The following SEPTIN4 variants were observed in gnomAD, a reference collection of about 807,000 sequenced individuals.
SEPTIN4 encodes septin 4.
SEPTIN4 carries 52 observed loss-of-function variants against 107.1 expected under a neutral mutation model. The observed-to-expected ratio is 0.49, with a 90% CI of 0.39 to 0.61. The LOEUF is 0.61. Among genes scored for constraint, SEPTIN4 ranks in the 20% least tolerant of loss-of-function variants. SEPTIN4 has a pLI of 0.00. For missense variants in SEPTIN4, 1,048 were observed against 1,243.5 expected (o/e 0.84, Z 2.36); for synonymous variants, 417 against 467.0 (o/e 0.89, Z 1.38).
chr17:58,529,051 C>T lies in SEPTIN4; in HGVS notation c.1615-2073G>A. On this transcript the variant is annotated intron_variant, in intron 3 of 13. Coordinates refer to ENST00000672673, the MANE Select transcript of SEPTIN4 (RefSeq NM_001368771.2). The stretch of plus-strand genomic sequence containing the variant: ...CAAATCATTTTCTGACTTTGAGCCC[C>T]AATCCCAGCCAAGGCAGGGGGAAGA... The T allele has an allele frequency of 1.9e-6, 3 of 1,589,192 alleles. No individual in the cohort carries two copies. The Admixed American group carries it at 5.0e-5, about 26-fold the overall frequency.
At chr17:58,527,587 G>C in intron 3 of SEPTIN4, 1 of 200,070 alleles carries the variant, frequency 5.0e-6, no homozygotes, top group Non-Finnish European at 1.0e-5. Context: ...ACTGCCCAGC[G>C]CTCAGTATAG....
intron 3 of SEPTIN4, among the ~76,000 whole-genome samples, chr17:58,535,876 G>A (rs1256439856): frequency 6.6e-6 from 1 of 152,198 alleles, no homozygotes; most frequent in Non-Finnish European, 1.5e-5. Context: ...TCATTGATTA[G>A]TTTTCCATTC....
chr17:58,540,787 C>A, intron 2 of SEPTIN4, 114 bp from the exon 3 acceptor site: 2 of 1,154,088 alleles, frequency 1.7e-6, no homozygotes, highest in Non-Finnish European at 2.2e-6. Flanking sequence ...TGGACTTGGG[C>A]AAACCTGGCC....
intron 3 of SEPTIN4, chr17:58,532,020 G>A (rs2043516565): frequency 1.3e-5 from 15 of 1,132,370 alleles, no homozygotes; most frequent in African/African-American, 3.3e-5. Context: ...GACCCGCGGC[G>A]GAGCTGCGCG....
At chr17:58,539,323 G>T (rs2043816031) in intron 3 of SEPTIN4, 1 of 588,512 alleles carries the variant, frequency 1.7e-6, no homozygotes. Context: ...GAAGGTGGGG[G>T]AGAACAGGGA....
At chr17:58,535,576 AAATCTGTCTT>A (rs1364420002) in intron 3 of SEPTIN4, among the ~76,000 whole-genome samples, 1 of 152,192 alleles carries the variant, frequency 6.6e-6, no homozygotes, top group Non-Finnish European at 1.5e-5. Context: ...TACTGAGCCA[AAATCTGTCTT>A]TCCCTGGCTT....
chr17:58,531,855 C>G, intron 3 of SEPTIN4: 1 of 1,045,916 alleles, frequency 9.6e-7, no homozygotes, highest in East Asian at 5.9e-5. Flanking sequence ...CCACCCTGCA[C>G]AGCCGCGGCT....
intron 3 of SEPTIN4, among the ~76,000 whole-genome samples, chr17:58,529,590 G>C (rs2043283921): frequency 1.3e-5 from 2 of 152,136 alleles, no homozygotes; most frequent in African/African-American, 4.8e-5. Flanking sequence ...AGGACACTGT[G>C]GCCTGTATGA....
chr17:58,532,222 G>T, intron 3 of SEPTIN4: 3 of 405,280 alleles, frequency 7.4e-6, no homozygotes, highest in Non-Finnish European at 1.0e-5. Flanking sequence ...CCCCGGATGC[G>T]CAGAGTATGC....
chr17:58,541,289 G>C (rs1192384751), intron 2 of SEPTIN4, among the ~76,000 whole-genome samples: 1 of 152,216 alleles, frequency 6.6e-6, no homozygotes, highest in Admixed American at 6.5e-5. Flanking sequence ...CTGCTGCCAA[G>C]ATTTACTCCT....
At position 58,521,999 on chromosome 17, in the gene SEPTIN4, G is replaced by A; in HGVS notation, c.2319C>T (p.Cys773=). Residue 773 remains cysteine (C), a synonymous_variant, in exon 8 of 14, where the codon TGC becomes TGT. Coordinates refer to ENST00000672673, the MANE Select transcript of SEPTIN4 (RefSeq NM_001368771.2). The surrounding 1 kb of genome is among the most constrained non-coding windows in gnomAD (Gnocchi z 6.4). ...CGAAGGGTGAGATGAAGTACAGGCA[G>A]CAGTGCACCCTGTTGTCTTGGATGT... ...RKNIQDNRVH[C]CLYFISPFGH... 1 of 1,614,232 alleles carries A rather than the reference G, an allele frequency of 6.2e-7. No individual in the cohort carries two copies. Among genetic ancestry groups the A allele is most frequent in the Non-Finnish European group, 8.5e-7 (1 of 1,180,036 alleles).
rs558135017 is a variant in SEPTIN4, at chr17:58,538,966, C to T, written c.1614+1700G>A. 19 of 503,000 alleles carry T rather than the reference C, an allele frequency of 3.8e-5. No homozygotes were observed. The East Asian group carries it at 6.2e-4, about 16-fold the overall frequency. 31.2% of individuals were successfully genotyped at this position (503,000 alleles called of 1,614,324 possible). On this transcript the variant is annotated intron_variant, in intron 3 of 13. Transcript: ENST00000672673. The surrounding 1 kb of genome is among the most constrained non-coding windows in gnomAD (Gnocchi z 4.7). ...ACTCTATGGTCAACCATTCCCAGAT[C>T]AGAGGAATCAGAGGCCTTGGACACC... is the stretch of plus-strand genomic sequence containing the variant.
intron 4 of SEPTIN4, 130 bp downstream of exon 4, chr17:58,526,552 T>A (rs1490862434): frequency 6.5e-6 from 9 of 1,386,540 alleles, no homozygotes; most frequent in Non-Finnish European, 8.3e-6. Context: ...CTGAAATAGG[T>A]CCCAGATACA....
chr17:58,535,634 A>C (rs1256557153), intron 3 of SEPTIN4, among the ~76,000 whole-genome samples: 1 of 152,056 alleles, frequency 6.6e-6, no homozygotes, highest in African/African-American at 2.4e-5. Context: ...AGCTTTGCTG[A>C]CTCATTTCAT....
chr17:58,524,993 A>G (rs2042686759), intron 7 of SEPTIN4, 85 bp downstream of exon 7: 2 of 1,568,630 alleles, frequency 1.3e-6, no homozygotes, highest in African/African-American at 1.3e-5. Flanking sequence ...CCTGATAAGT[A>G]TGGATATATC....
intron 13 of SEPTIN4, 120 bp from the exon 14 acceptor site, chr17:58,520,605 C>A (rs2143978459): frequency 6.7e-7 from 1 of 1,503,330 alleles, no homozygotes; most frequent in African/African-American, 1.4e-5. Context: ...GTGATGGAGA[C>A]TCTGGACAGA....
intron 3 of SEPTIN4, among the ~76,000 whole-genome samples, chr17:58,537,531 G>A (rs914509256): frequency 2.0e-5 from 3 of 152,072 alleles, no homozygotes; most frequent in Non-Finnish European, 4.4e-5. Flanking sequence ...TGGTCAAACT[G>A]CTATAAAAAT....
In SEPTIN4 at chr17:58,521,676, T is replaced by A. The variant is rs1253394359; in HGVS notation, c.2470-30A>T. The A allele has an allele frequency of 6.2e-7, 1 of 1,614,242 alleles. No homozygotes were observed. On this transcript the variant is annotated intron_variant, in intron 9 of 13. Transcript: ENST00000672673. This position sits in a 1 kb window ranked among gnomAD's most constrained non-coding sequence, Gnocchi z 6.4. Reference sequence around the variant, plus strand: ...CAAACAGATGAGGGGCCCACAGTTCTGGGGACCACATCCTTTCTAGAAGCC... The same window carrying A: ...CAAACAGATGAGGGGCCCACAGTTCAGGGGACCACATCCTTTCTAGAAGCC...
chr17:58,525,157 T>C lies in SEPTIN4; in HGVS notation c.2137A>G (p.Ile713Val), dbSNP rs150353209. The C allele has an allele frequency of 2.7e-5, 43 of 1,614,214 alleles. No homozygotes were observed. The African/African-American group carries it at 5.5e-4, about 21-fold the overall frequency. The stretch of plus-strand genomic sequence containing the variant: ...CGCAGCCTCACACCCTTCTCTTCTA[T>C]GTCCACTGCATGCTTAGTGATCTCC... Reference protein sequence around the residue: ...TVEITKHAVDIEEKGVRLRLT... With the variant: ...TVEITKHAVDVEEKGVRLRLT... The change falls in exon 7 of 14, where the codon ATA (isoleucine) becomes GTA (valine). Residue 713 changes from isoleucine to valine, a missense_variant. Physicochemically the swap from Ile to Val is conservative, Grantham distance 29. Coordinates refer to ENST00000672673, the MANE Select transcript of SEPTIN4 (RefSeq NM_001368771.2).
Sources: gnomAD v4.1 joint callset for allele counts (sites outside exome capture counted in the v4.1 genomes callset) on GRCh38, gnomAD v4.1.1 for gene constraint, Gnocchi (gnomAD v3.1) non-coding constraint, MANE v1.5 for transcripts, NCBI Gene and HGNC (gene_info 2026-07-23, HGNC 2026-07-21) for gene names.